The following GOLM2 variants were observed in gnomAD, a reference collection of about 807,000 sequenced individuals.
The protein encoded by GOLM2 is protein GOLM2.
In GOLM2, 26 loss-of-function variants were observed where a neutral mutation model predicts 55.9. The observed-to-expected ratio is 0.47, with a 90% confidence interval of 0.34 to 0.65. The LOEUF is 0.65. Among genes scored for constraint, GOLM2 ranks in the 30% least tolerant of loss-of-function variants. The probability of loss-of-function intolerance (pLI) is 0.01; values close to 1 mark genes in which losing one functional copy is unlikely to be tolerated. For missense variants in GOLM2, 486 were observed against 531.8 expected (o/e 0.91, Z 0.85); for synonymous variants, 165 against 194.6 (o/e 0.85, Z 1.27).
chr15:44,295,917 T>TAC (rs71421830), intron 1 of GOLM2, among the ~76,000 whole-genome samples: 12,764 of 143,080 alleles, frequency 0.089, 559 homozygotes, highest in East Asian at 0.17. Flanking sequence ...CCACCACACA[T>TAC]ACACACACAC....
intron 6 of GOLM2, among the ~76,000 whole-genome samples, chr15:44,361,073 T>C (rs1447069278): frequency 2.7e-5 from 4 of 150,472 alleles, no homozygotes; most frequent in Non-Finnish European, 5.9e-5. Flanking sequence ...GGGAAATTTA[T>C]AGCACTAAAT....
chr15:44,359,120 A>G lies in GOLM2; in HGVS notation c.803-20570A>G, dbSNP rs188075199. On this transcript the variant is annotated intron_variant, in intron 6 of 9. Coordinates refer to ENST00000299957, the MANE Select transcript of GOLM2 (RefSeq NM_138423.4). ...AGCTGAGATCGCGCCAATGCACTCCAGCCTGGGTGACAGAGCGAGACTCTG... is the reference window on the plus strand; with the variant it reads ...AGCTGAGATCGCGCCAATGCACTCCGGCCTGGGTGACAGAGCGAGACTCTG... Among the ~76,000 whole-genome samples the G allele has an allele frequency of 8.4e-3, 1,276 of 152,050 alleles. 9 individuals are homozygous for G. The highest frequency in any genetic ancestry group is 0.013 in the Non-Finnish European group (879 of 67,982).
chr15:44,369,230 GTGTGTT>G (rs1170239027), intron 6 of GOLM2, among the ~76,000 whole-genome samples: 1 of 144,114 alleles, frequency 6.9e-6, no homozygotes, highest in Admixed American at 7.1e-5. Context: ...GTGTGTGTGT[GTGTGTT>G]TGTATGTGTG....
At chr15:44,379,626 T>G (rs2079388111) in intron 6 of GOLM2, 64 bp from the exon 7 acceptor site, 3 of 674,504 alleles carry the variant, frequency 4.4e-6, no homozygotes, top group South Asian at 4.0e-5. Flanking sequence ...TGGTTTTTTT[T>G]TTTTTTTTTT....
At chr15:44,305,326 G>A (rs946810967) in intron 1 of GOLM2, among the ~76,000 whole-genome samples, 2 of 151,798 alleles carry the variant, frequency 1.3e-5, no homozygotes, top group Non-Finnish European at 2.9e-5. Flanking sequence ...TTGAGACAGA[G>A]TCTTGATCTG....
chr15:44,324,625 A>G (rs2141132664), intron 2 of GOLM2, among the ~76,000 whole-genome samples: 1 of 152,286 alleles, frequency 6.6e-6, no homozygotes, highest in South Asian at 2.1e-4. Context: ...AATAAAGGAA[A>G]GTTGGTTTTT....
At chr15:44,372,303 A>G (rs1436187230) in intron 6 of GOLM2, among the ~76,000 whole-genome samples, 1 of 151,980 alleles carries the variant, frequency 6.6e-6, no homozygotes, top group Non-Finnish European at 1.5e-5. Context: ...TCAGTGCCAT[A>G]CTCCTTCTCT....
At chr15:44,323,156 C>T (rs2078962468) in intron 2 of GOLM2, 137 bp downstream of exon 2, 2 of 538,664 alleles carry the variant, frequency 3.7e-6, no homozygotes, top group East Asian at 6.5e-5. Context: ...AACATTTATC[C>T]TTTTGCCTTA....
At chr15:44,399,164 G>A (rs1011998629) in intron 8 of GOLM2, among the ~76,000 whole-genome samples, 3 of 151,942 alleles carry the variant, frequency 2.0e-5, no homozygotes, top group Non-Finnish European at 4.4e-5. Flanking sequence ...ATTGACATGT[G>A]GCTCTTAAAT....
intron 1 of GOLM2, among the ~76,000 whole-genome samples, chr15:44,304,062 G>T (rs2078818518): frequency 6.6e-6 from 1 of 151,344 alleles, no homozygotes; most frequent in Non-Finnish European, 1.5e-5. Flanking sequence ...TTGTAGAGAT[G>T]TGGTCTTGCT....
intron 1 of GOLM2, among the ~76,000 whole-genome samples, chr15:44,291,291 CTCTT>C (rs1317576531): frequency 6.6e-6 from 1 of 152,000 alleles, no homozygotes; most frequent in African/African-American, 2.4e-5. Flanking sequence ...ACTGAACTGT[CTCTT>C]TCAGTTTGTT....
chr15:44,362,855 A>G (rs964363448), intron 6 of GOLM2, among the ~76,000 whole-genome samples: 18 of 152,246 alleles, frequency 1.2e-4, no homozygotes, highest in African/African-American at 4.1e-4. Flanking sequence ...ATAGAGATCA[A>G]TGGAACAGAA....
intron 1 of GOLM2, among the ~76,000 whole-genome samples, chr15:44,310,469 T>A (rs951295799): frequency 7.6e-6 from 1 of 130,812 alleles, no homozygotes; most frequent in Non-Finnish European, 1.6e-5. Flanking sequence ...TATATATATA[T>A]GTATATATAT....
At chr15:44,371,419 T>A (rs1390539157) in intron 6 of GOLM2, among the ~76,000 whole-genome samples, 1 of 152,188 alleles carries the variant, frequency 6.6e-6, no homozygotes, top group Non-Finnish European at 1.5e-5. Context: ...TAAAGGAAAC[T>A]CATTACTCAC....
In GOLM2 at chr15:44,289,352, A is replaced by G; in HGVS notation, c.323A>G (p.Asp108Gly). 1 of 1,611,226 alleles carries G rather than the reference A, an allele frequency of 6.2e-7. No individual in the cohort carries two copies. Among genetic ancestry groups the G allele is most frequent in the Non-Finnish European group, 8.5e-7 (1 of 1,178,804 alleles). ...GGCCTCGGGAAGAGATGCGAGGATGACAAGGTAAGGACGACCCTTTTCTCT... is the reference window on the plus strand; with the variant it reads ...GGCCTCGGGAAGAGATGCGAGGATGGCAAGGTAAGGACGACCCTTTTCTCT... ...REGLGKRCED[D>G]KVKLQNNISY... The change falls in exon 1 of 10, where the codon GAC (aspartate) becomes GGC (glycine). Residue 108 changes from aspartate to glycine, a missense_variant. Physicochemically the swap from Asp to Gly is moderately conservative, Grantham distance 94. Transcript: ENST00000299957. This position sits in a 1 kb window ranked among gnomAD's most constrained non-coding sequence, Gnocchi z 4.8.
At chr15:44,402,770 A>T in intron 8 of GOLM2, 117 bp from the exon 9 acceptor site, 1 of 842,726 alleles carries the variant, frequency 1.2e-6, no homozygotes, top group Non-Finnish European at 1.9e-6. Flanking sequence ...ATCCTTTTAT[A>T]TCCAGTACCC....
At chr15:44,326,675 G>A (rs1369759018) in intron 2 of GOLM2, among the ~76,000 whole-genome samples, 25 of 138,838 alleles carry the variant, frequency 1.8e-4, no homozygotes, top group African/African-American at 6.5e-4. Context: ...TTTTTGAGAC[G>A]GATTCTCGCT....
intron 8 of GOLM2, among the ~76,000 whole-genome samples, chr15:44,391,396 A>G (rs2079487869): frequency 6.6e-6 from 1 of 152,018 alleles, no homozygotes; most frequent in Admixed American, 6.6e-5. Context: ...GGGCGCCTGT[A>G]GTCCCAGCTA....
rs868782368 is a variant in GOLM2, at chr15:44,362,888, G to A, written c.803-16802G>A. Among the ~76,000 whole-genome samples, 300 of 152,168 alleles carry A rather than the reference G, an allele frequency of 2.0e-3. 1 individual carries two copies. The highest frequency in any genetic ancestry group is 6.8e-3 in the African/African-American group (281 of 41,516). The stretch of plus-strand genomic sequence containing the variant: ...GAACAGAGCCCTCAGAAATAACGCC[G>A]CATATCTACAGCTATCTGATCTTTG... On this transcript the variant is annotated intron_variant, in intron 6 of 9. Transcript: ENST00000299957.
Sources: gnomAD v4.1 joint callset for allele counts (sites outside exome capture counted in the v4.1 genomes callset) on GRCh38, gnomAD v4.1.1 for gene constraint, Gnocchi (gnomAD v3.1) non-coding constraint, MANE v1.5 for transcripts, NCBI Gene and HGNC (gene_info 2026-07-23, HGNC 2026-07-21) for gene names.